DOCK7: variants seen among roughly 807,000 people sequenced by gnomAD.
The protein encoded by DOCK7 is dedicator of cytokinesis protein 7.
Under a neutral mutation model 271.0 loss-of-function variants are expected in DOCK7, and 138 were observed. The ratio of observed to expected loss-of-function variants is 0.51; its 90% CI spans 0.44 to 0.59. The LOEUF (loss-of-function observed/expected upper bound fraction) is 0.59. Among genes scored for constraint, DOCK7 ranks in the 20% least tolerant of loss-of-function variants. The probability of loss-of-function intolerance (pLI) is 0.00; values close to 1 mark genes in which losing one functional copy is unlikely to be tolerated. For synonymous variants in DOCK7, 823 were observed against 876.1 expected (o/e 0.94, Z 1.07); for missense variants, 2,066 against 2,592.4 (o/e 0.80, Z 4.41).
chr1:62,518,648 G>C (rs1342045145), intron 31 of DOCK7, among the ~76,000 whole-genome samples: 1 of 151,832 alleles, frequency 6.6e-6, no homozygotes, highest in Non-Finnish European at 1.5e-5. Flanking sequence ...GCTGAGGTGG[G>C]AGAATCACTT....
chr1:62,572,389 T>C (rs975173742), intron 18 of DOCK7, among the ~76,000 whole-genome samples: 3 of 152,240 alleles, frequency 2.0e-5, no homozygotes, highest in Non-Finnish European at 4.4e-5. Context: ...CATTCAATCA[T>C]CAATACAACC....
chr1:62,579,025 A>G (rs1647029273), intron 16 of DOCK7, 59 bp from the exon 17 acceptor site: 5 of 1,357,496 alleles, frequency 3.7e-6, no homozygotes, highest in Non-Finnish European at 3.9e-6. Flanking sequence ...TAAATAATGT[A>G]TTTGTATATT....
chr1:62,601,069 A>G, intron 14 of DOCK7: 2 of 1,459,056 alleles, frequency 1.4e-6, no homozygotes, highest in Non-Finnish European at 1.9e-6. Context: ...ACAGATTTAT[A>G]TTCTTTTATC....
At chr1:62,531,233 G>A (rs1386589341) in intron 29 of DOCK7, among the ~76,000 whole-genome samples, 1 of 152,154 alleles carries the variant, frequency 6.6e-6, no homozygotes, top group African/African-American at 2.4e-5. Context: ...CCAAAGGTAT[G>A]CCTTATCTCT....
chr1:62,613,517 A>T (rs1207406484), intron 14 of DOCK7, among the ~76,000 whole-genome samples: 1 of 152,190 alleles, frequency 6.6e-6, no homozygotes, highest in Admixed American at 6.5e-5. Context: ...CTTTAAGAAG[A>T]CTCAACATCT....
intron 7 of DOCK7, among the ~76,000 whole-genome samples, chr1:62,646,297 T>C (rs896601052): frequency 8.6e-5 from 13 of 151,860 alleles, no homozygotes; most frequent in Non-Finnish European, 1.5e-4. Flanking sequence ...ATGGGTAAGC[T>C]CATAGAGACA....
chr1:62,597,827 G>T (rs376010812), intron 14 of DOCK7: 10 of 1,609,066 alleles, frequency 6.2e-6, no homozygotes, highest in Non-Finnish European at 8.5e-6. Flanking sequence ...ATCTATCGCT[G>T]CAAACCAGTG....
intron 14 of DOCK7, among the ~76,000 whole-genome samples, chr1:62,610,279 T>C (rs1288596447): frequency 6.6e-6 from 1 of 151,270 alleles, no homozygotes; most frequent in Non-Finnish European, 1.5e-5. Flanking sequence ...ACTCTAAAAA[T>C]AAAAACAAAA....
intron 14 of DOCK7, among the ~76,000 whole-genome samples, chr1:62,599,385 C>T (rs1649777208): frequency 6.6e-6 from 1 of 151,948 alleles, no homozygotes; most frequent in South Asian, 2.1e-4. Context: ...TCTGATTTCC[C>T]TTAGGGTCGT....
At position 62,648,112 on chromosome 1, in the gene DOCK7, T is replaced by C; in HGVS notation, c.726A>G (p.Pro242=). The change falls in exon 6 of 50, where the codon CCA becomes CCG. Residue 242 remains proline, a synonymous_variant. Coordinates refer to ENST00000635253, the MANE Select transcript of DOCK7 (RefSeq NM_001367561.1). ...HKELFALHPS[P]DEEEPIERLS... is the part of the protein sequence containing the mutation. Reference sequence around the variant, plus strand: ...TATATGCAAACATCTATACCTCATCTGGTGATGGATGCAAAGCAAAAAGTT... The same window carrying C: ...TATATGCAAACATCTATACCTCATCCGGTGATGGATGCAAAGCAAAAAGTT... 1 of 1,612,758 alleles carries C rather than the reference T, an allele frequency of 6.2e-7. No individual in the cohort carries two copies.
chr1:62,548,749 G>C (rs1236932228), intron 22 of DOCK7, among the ~76,000 whole-genome samples: 1 of 152,090 alleles, frequency 6.6e-6, no homozygotes, highest in Non-Finnish European at 1.5e-5. Context: ...GCAACATTCT[G>C]GTTGCTATGT....
intron 1 of DOCK7, among the ~76,000 whole-genome samples, chr1:62,686,615 G>A (rs550927539): frequency 6.6e-6 from 1 of 152,264 alleles, no homozygotes; most frequent in Non-Finnish European, 1.5e-5. Context: ...ATGACAGGTA[G>A]TATAGGCCCT....
intron 48 of DOCK7, 86 bp downstream of exon 48, chr1:62,473,896 T>C (rs959296765): frequency 9.1e-7 from 1 of 1,099,152 alleles, no homozygotes; most frequent in African/African-American, 1.6e-5. Context: ...ATTTTCTCTT[T>C]TCAATGGTTC....
intron 14 of DOCK7, among the ~76,000 whole-genome samples, chr1:62,603,697 A>C (rs904577029): frequency 2.0e-5 from 3 of 151,870 alleles, no homozygotes; most frequent in Non-Finnish European, 4.4e-5. Flanking sequence ...ATAATAATGT[A>C]ACACATTTCA....
Position 62,648,505 on chromosome 1 carries a change from T to A in DOCK7, c.429A>T (p.Leu143Phe). ...KLGTGFNPNT[L>F]DKQKERQKGL... ...CTTTTTGCCTTTCTTTCTGTTTATC[T>A]AATGTATTGGGATTAAATCCTGTTC... Residue 143 changes from leucine to phenylalanine, a missense_variant, in exon 5 of 50, where the codon TTA becomes TTT. Around this residue, in one of 2 missense-constraint regions of DOCK7, gnomAD observed 1,414 missense variants for 1,670.4 expected, o/e 0.85. Transcript: ENST00000635253. 6.8e-7 allele frequency: 1 copy of A among 1,471,506 alleles called. No homozygotes were observed. The highest frequency in any genetic ancestry group is 9.1e-7 in the Non-Finnish European group (1 of 1,093,082). The allele number at this position is 1,471,506 out of a possible 1,614,324, so 91.2% of individuals were successfully genotyped here. A position where few individuals can be genotyped will look rare whatever the true frequency, so the allele number is the denominator to read the frequency against.
intron 15 of DOCK7, chr1:62,584,325 T>C: frequency 1.0e-6 from 1 of 984,168 alleles, no homozygotes; most frequent in Non-Finnish European, 1.2e-6. Flanking sequence ...ATTGTTCCTG[T>C]GCCAGAATTA....
chr1:62,675,558 G>A (rs1021868180), intron 1 of DOCK7, among the ~76,000 whole-genome samples: 1 of 152,188 alleles, frequency 6.6e-6, no homozygotes, highest in East Asian at 1.9e-4. Context: ...CGAGGCGGGC[G>A]GATCATGAGG....
intron 14 of DOCK7, among the ~76,000 whole-genome samples, chr1:62,617,700 T>C (rs75463837): frequency 6.6e-6 from 1 of 152,030 alleles, no homozygotes; most frequent in Non-Finnish European, 1.5e-5. Flanking sequence ...TTCAATGACA[T>C]ATATGATTAA....
chr1:62,583,383 T>C (rs545512205), intron 15 of DOCK7, 129 bp from the exon 16 acceptor site: 3 of 727,364 alleles, frequency 4.1e-6, no homozygotes, highest in East Asian at 2.5e-5. Flanking sequence ...TGAAGAACAA[T>C]GTGCCTACTG....
Sources: gnomAD v4.1 joint callset for allele counts (sites outside exome capture counted in the v4.1 genomes callset) on GRCh38, gnomAD v4.1.1 for gene constraint, gnomAD v4.1.1 regional missense constraint, MANE v1.5 for transcripts, NCBI Gene and HGNC (gene_info 2026-07-23, HGNC 2026-07-21) for gene names.